The following NGLY1 variants were observed in gnomAD, a reference collection of about 807,000 sequenced individuals.
NGLY1 encodes the protein peptide-N(4)-(N-acetyl-beta-glucosaminyl)asparagine amidase.
In NGLY1, 68 loss-of-function variants were observed where a neutral mutation model predicts 84.6. That is an observed-to-expected ratio of 0.80 (90% CI 0.66 to 0.98). The LOEUF is 0.98. Ranked by LOEUF, NGLY1 falls within the 50% of genes least tolerant of loss-of-function variation. NGLY1 has a pLI of 0.00. For missense variants in NGLY1, 779 were observed against 770.2 expected (o/e 1.01, Z -0.14); for synonymous variants, 280 against 275.2 (o/e 1.02, Z -0.17).
rs1032015442 is a variant in NGLY1, at chr3:25,754,957, C to T, written c.493-3694G>A. 4.3e-4 allele frequency: 317 copies of T among 742,632 alleles called. 5 individuals carry two copies. The highest frequency in any genetic ancestry group is 3.5e-4 in the Admixed American group (19 of 54,248). The allele number at this position is 742,632 out of a possible 1,614,324, so 46.0% of individuals were successfully genotyped here. Reference sequence around the variant, plus strand: ...TGGGCAAGATGGCACTTCCCAAGAACGCTCCTAGGGATGCCTTGGTGATGG... The same window carrying T: ...TGGGCAAGATGGCACTTCCCAAGAATGCTCCTAGGGATGCCTTGGTGATGG... On this transcript the variant is annotated intron_variant, in intron 3 of 11. Transcript: ENST00000280700.
intron 3 of NGLY1, among the ~76,000 whole-genome samples, chr3:25,752,973 C>T (rs1706835652): frequency 6.6e-6 from 1 of 151,316 alleles, no homozygotes; most frequent in Admixed American, 6.6e-5. Context: ...AGGATAAATC[C>T]AAAACTTCTC....
rs772327240 is a variant in NGLY1 at position 25,720,098 on chromosome 3, T to C, written c.1705A>G (p.Ile569Val). 10 of 1,613,666 alleles carry C rather than the reference T, an allele frequency of 6.2e-6. No individual in the cohort carries two copies. The highest frequency in any genetic ancestry group is 1.6e-4 in the Middle Eastern group (1 of 6,080). Residue 569 changes from isoleucine to valine, a missense_variant, in exon 11 of 12, where the codon ATT (isoleucine) becomes GTT (valine). By Grantham distance (29) the Ile-to-Val change is conservative. Coordinates refer to ENST00000280700, the MANE Select transcript of NGLY1 (RefSeq NM_018297.4). ...TGAAAAGTTTGACTACTTGTTCTAA[T>C]AGAAATGCTATCTACTTTTAGGCCA... The part of the protein sequence containing the change: ...SVGLKVDSIS[I>V]RTSSQTFQTG...
chr3:25,782,672 C>T (rs1708472879), intron 1 of NGLY1: 1 of 152,016 alleles, frequency 6.6e-6, no homozygotes, highest in Non-Finnish European at 1.5e-5. Flanking sequence ...ACTGTAACTT[C>T]AAAATACTAT....
intron 4 of NGLY1, among the ~76,000 whole-genome samples, chr3:25,750,430 T>C (rs748970699): frequency 2.3e-4 from 35 of 152,296 alleles, no homozygotes; most frequent in Non-Finnish European, 3.8e-4. Context: ...ATTCCACTTA[T>C]ATAAGATAGA....
Position 25,736,115 on chromosome 3 carries a change from C to A in NGLY1, c.1038G>T (p.Gln346His). 1 of 1,613,766 alleles carries A rather than the reference C, an allele frequency of 6.2e-7. No individual in the cohort carries two copies. Among genetic ancestry groups the A allele is most frequent in the African/African-American group, 1.3e-5 (1 of 74,988 alleles). The change falls in exon 7 of 12, where the codon CAG becomes CAT. Residue 346 changes from glutamine (Q) to histidine (H), a missense_variant. By Grantham distance (24) the Gln-to-His change is conservative. Coordinates refer to ENST00000280700, the MANE Select transcript of NGLY1 (RefSeq NM_018297.4). The stretch of plus-strand genomic sequence containing the variant: ...ATGCATCACAGTGCAGCCACCGCTG[C>A]TGAGAAGGAGAATAGACTTCTGTCC... The part of the protein sequence containing the change: ...HVWTEVYSPS[Q>H]QRWLHCDACE...
intron 2 of NGLY1, among the ~76,000 whole-genome samples, chr3:25,773,425 T>C (rs1313971479): frequency 3.3e-5 from 5 of 152,208 alleles, no homozygotes; most frequent in African/African-American, 7.2e-5. Flanking sequence ...GTTGAAACTT[T>C]CCGATGCATT....
Position 25,720,689 on chromosome 3 carries a change from A to G in NGLY1, c.1612-498T>C, listed in dbSNP as rs142805876. Among the ~76,000 whole-genome samples the G allele has an allele frequency of 4.6e-5, 7 of 152,294 alleles. No individual in the cohort carries two copies. The East Asian group carries it at 1.4e-3, about 29-fold the overall frequency. Reference sequence around the variant, plus strand: ...GGTTTAAAAGGTGATATCCATGCTCACTTCTCTAAATAGCATGCTCCCTGT... The same window carrying G: ...GGTTTAAAAGGTGATATCCATGCTCGCTTCTCTAAATAGCATGCTCCCTGT... On this transcript the variant is annotated intron_variant, in intron 10 of 11. Transcript: ENST00000280700.
At chr3:25,772,855 T>G (rs1385532051) in intron 2 of NGLY1, among the ~76,000 whole-genome samples, 1 of 152,240 alleles carries the variant, frequency 6.6e-6, no homozygotes, top group Admixed American at 6.5e-5. Flanking sequence ...GGCATTTGTT[T>G]GTCTGAAAGA....
At chr3:25,749,829 G>T in intron 4 of NGLY1, 1 of 1,138,842 alleles carries the variant, frequency 8.8e-7, no homozygotes, top group Non-Finnish European at 1.3e-6. Flanking sequence ...ATCATGGAAA[G>T]AGCCACCCAG....
intron 4 of NGLY1, among the ~76,000 whole-genome samples, chr3:25,744,446 C>A (rs966062103): frequency 2.6e-5 from 4 of 152,146 alleles, no homozygotes; most frequent in Admixed American, 2.6e-4. Context: ...AGTCCATAGA[C>A]CCAGAATATG....
At chr3:25,745,258 CATTTA>C (rs934404356) in intron 4 of NGLY1, among the ~76,000 whole-genome samples, 13 of 152,284 alleles carry the variant, frequency 8.5e-5, no homozygotes, top group African/African-American at 2.9e-4. Flanking sequence ...TTTTTCATCT[CATTTA>C]ATTTAAATGT....
chr3:25,719,412 T>G lies in NGLY1; in HGVS notation c.*48A>C. 6.4e-7 allele frequency: 1 copy of G among 1,558,932 alleles called. No homozygotes were observed. Among genetic ancestry groups the G allele is most frequent in the Non-Finnish European group, 8.8e-7 (1 of 1,135,298 alleles). Reference sequence around the variant, plus strand: ...AGCATGCACTGAACCAACAGACTACTTCAGTAAGTCCTTGATTATTGCCAG... The same window carrying G: ...AGCATGCACTGAACCAACAGACTACGTCAGTAAGTCCTTGATTATTGCCAG... On this transcript the variant is annotated 3_prime_UTR_variant, in exon 12 of 12. Transcript: ENST00000280700.
rs114121818 is a variant in NGLY1, at chr3:25,771,966, T to C, written c.246+6608A>G. 6.2e-3 allele frequency among the ~76,000 whole-genome samples: 942 copies of C among 152,274 alleles called. 6 individuals carry two copies. The highest frequency in any genetic ancestry group is 0.022 in the African/African-American group (896 of 41,542). On this transcript the variant is annotated intron_variant, in intron 2 of 11. Coordinates refer to ENST00000280700, the MANE Select transcript of NGLY1 (RefSeq NM_018297.4). Reference sequence around the variant, plus strand: ...AGGGTTTTCCAGGTATATGATCATATCATCAGCAAACAGCAACAGTCTATT... The same window carrying C: ...AGGGTTTTCCAGGTATATGATCATACCATCAGCAAACAGCAACAGTCTATT...
upstream of NGLY1, among the ~76,000 whole-genome samples, chr3:25,784,661 T>G (rs890965035): frequency 6.6e-6 from 1 of 152,218 alleles, no homozygotes; most frequent in African/African-American, 2.4e-5. Context: ...TCTGTTTACT[T>G]TTAAGAATTG....
chr3:25,737,301 C>A, intron 6 of NGLY1, 33 bp downstream of exon 6: 1 of 1,554,694 alleles, frequency 6.4e-7, no homozygotes, highest in Admixed American at 2.0e-5. Flanking sequence ...CCTGCAAAGC[C>A]CTACTACCCT....
chr3:25,731,515 C>A (rs6797573), intron 9 of NGLY1, among the ~76,000 whole-genome samples: 1,976 of 152,118 alleles, frequency 0.013, 42 homozygotes, highest in African/African-American at 0.045. Context: ...GCTGGCATAA[C>A]CATTTTGAAA....
intron 1 of NGLY1, among the ~76,000 whole-genome samples, chr3:25,781,959 T>C (rs1259934789): frequency 3.3e-5 from 5 of 152,164 alleles, no homozygotes; most frequent in African/African-American, 1.2e-4. Context: ...AGTTCATTTA[T>C]GGAGTCCCTT....
chr3:25,724,128 G>C (rs1371897413), intron 10 of NGLY1, among the ~76,000 whole-genome samples: 1 of 152,216 alleles, frequency 6.6e-6, no homozygotes, highest in Non-Finnish European at 1.5e-5. Context: ...ATATTCTACA[G>C]AAGATTTTGC....
intron 8 of NGLY1, among the ~76,000 whole-genome samples, chr3:25,733,607 C>T (rs1705665685): frequency 6.6e-6 from 1 of 151,700 alleles, no homozygotes; most frequent in Non-Finnish European, 1.5e-5. Flanking sequence ...TTGTCAGGTA[C>T]TACCAATACT....
Sources: gnomAD v4.1 joint callset for allele counts (sites outside exome capture counted in the v4.1 genomes callset) on GRCh38, gnomAD v4.1.1 for gene constraint, MANE v1.5 for transcripts, NCBI Gene and HGNC (gene_info 2026-07-23, HGNC 2026-07-21) for gene names.